The following MTPAP variants were observed in gnomAD, a reference collection of about 807,000 sequenced individuals.
MTPAP encodes the protein mitochondrial poly(A) polymerase, also known as poly(A) RNA polymerase, mitochondrial.
In MTPAP, 23 loss-of-function variants were observed where a neutral mutation model predicts 48.7. The ratio of observed to expected loss-of-function variants is 0.47; its 90% CI spans 0.34 to 0.67. The LOEUF is 0.67. Ranked by LOEUF, MTPAP falls within the 30% of genes least tolerant of loss-of-function variation. MTPAP has a pLI of 0.01. For missense variants in MTPAP, 614 were observed against 694.3 expected, an observed-to-expected ratio of 0.88 and a Z score of 1.30; for synonymous variants, 257 against 254.1, an observed-to-expected ratio of 1.01 and a Z score of -0.11.
chr10:30,316,959 TATAA>T (rs1486834810), intron 6 of MTPAP, among the ~76,000 whole-genome samples: 20 of 152,208 alleles, frequency 1.3e-4, no homozygotes, highest in Admixed American at 5.2e-4. Context: ...TCACAGATTT[TATAA>T]ATGATTGAAT....
chr10:30,336,248 G>A (rs962969440), intron 4 of MTPAP, among the ~76,000 whole-genome samples: 27 of 152,122 alleles, frequency 1.8e-4, no homozygotes, highest in African/African-American at 6.3e-4. Context: ...CAACTACCAA[G>A]CGGCCATATT....
Position 30,313,107 on chromosome 10 carries a change from T to C in MTPAP, c.*502A>G, listed in dbSNP as rs1440965646. ...TCATTGCCAACGTACTGTACATAAC[T>C]AAAAGTCATTTTAAATGTTTTCTAA... On this transcript the variant is annotated 3_prime_UTR_variant, in exon 9 of 9. Transcript: ENST00000263063. The C allele has an allele frequency of 5.8e-6, 1 of 173,578 alleles. No homozygotes were observed. Among genetic ancestry groups the C allele is most frequent in the African/African-American group, 2.4e-5 (1 of 41,670 alleles). 10.8% of individuals were successfully genotyped at this position (173,578 alleles called of 1,614,324 possible). A position where few individuals can be genotyped will look rare whatever the true frequency, so the allele number is the denominator to read the frequency against.
intron 8 of MTPAP, among the ~76,000 whole-genome samples, chr10:30,314,271 C>T (rs964644278): frequency 5.3e-5 from 8 of 150,972 alleles, no homozygotes; most frequent in South Asian, 2.1e-4. Context: ...CTAACTCAAC[C>T]GACAAAAGTA....
chr10:30,348,991 G>C, intron 1 of MTPAP, 128 bp downstream of exon 1: 1 of 1,386,334 alleles, frequency 7.2e-7, no homozygotes, highest in East Asian at 2.4e-5. Flanking sequence ...GGAGAGGAGA[G>C]GACAGGACAC....
chr10:30,314,230 G>A (rs1232453258), intron 8 of MTPAP, among the ~76,000 whole-genome samples: 1 of 151,644 alleles, frequency 6.6e-6, no homozygotes, highest in East Asian at 1.9e-4. Flanking sequence ...TATGGATGAT[G>A]ATGTCATTGC....
intron 1 of MTPAP, among the ~76,000 whole-genome samples, chr10:30,344,615 G>T (rs1347849569): frequency 2.6e-5 from 4 of 152,118 alleles, no homozygotes; most frequent in Non-Finnish European, 5.9e-5. Flanking sequence ...TTTCAGTTGT[G>T]AATGCCACCT....
chr10:30,337,292 C>T lies in MTPAP; in HGVS notation c.556-265G>A, dbSNP rs944334092. The stretch of plus-strand genomic sequence containing the variant: ...ATACAAAATAAGCCGGGCGTGGTGG[C>T]GCATACCTGTAATCCCAGCTACTCA... On this transcript the variant is annotated intron_variant, in intron 3 of 8. Transcript: ENST00000263063. Among the ~76,000 whole-genome samples, 7 of 152,058 alleles carry T rather than the reference C, an allele frequency of 4.6e-5. No homozygotes were observed. The South Asian group carries it at 8.3e-4, about 18-fold the overall frequency.
At position 30,318,994 on chromosome 10, in the gene MTPAP, G is replaced by C. The variant is rs1332714341; in HGVS notation, c.1220-2784C>G. Among the ~76,000 whole-genome samples the C allele has an allele frequency of 3.3e-5, 5 of 151,724 alleles. No individual in the cohort carries two copies. The East Asian group carries it at 9.7e-4, about 29-fold the overall frequency. The stretch of plus-strand genomic sequence containing the variant: ...CAGCAAGAAAAGACCTAACAGATGA[G>C]ATCCTGTACTAGGTTTGTCTGTCTT... On this transcript the variant is annotated intron_variant, in intron 6 of 8. Coordinates refer to ENST00000263063, the MANE Select transcript of MTPAP (RefSeq NM_018109.4).
At chr10:30,344,704 A>G (rs532659910) in intron 1 of MTPAP, among the ~76,000 whole-genome samples, 1 of 152,064 alleles carries the variant, frequency 6.6e-6, no homozygotes, top group African/African-American at 2.4e-5. Flanking sequence ...AACAGCATAG[A>G]ATTTTCTTTT....
chr10:30,316,462 C>G (rs925290590), intron 6 of MTPAP, among the ~76,000 whole-genome samples: 2 of 149,388 alleles, frequency 1.3e-5, no homozygotes, highest in African/African-American at 4.9e-5. Context: ...AGGCTGGTCT[C>G]GAACTCCTGA....
chr10:30,345,615 A>G (rs6481673), intron 1 of MTPAP, among the ~76,000 whole-genome samples: 61,281 of 152,202 alleles, frequency 0.4, 15,314 homozygotes, highest in Middle Eastern at 0.57. Context: ...AGTTGAGGTA[A>G]TTTATTGCCT....
intron 6 of MTPAP, 144 bp from the exon 7 acceptor site, chr10:30,316,354 T>C (rs1378709229): frequency 1.6e-5 from 11 of 691,334 alleles, no homozygotes; most frequent in Non-Finnish European, 2.5e-5. Flanking sequence ...GCAATTCTCC[T>C]GCCTCAGCCT....
Position 30,336,973 on chromosome 10 carries a change from T to C in MTPAP, c.610A>G (p.Thr204Ala), listed in dbSNP as rs1207137353. The change falls in exon 4 of 9, where the codon ACT becomes GCT. Residue 204 changes from threonine to alanine, a missense_variant. Thr to Ala is a moderately conservative substitution (Grantham distance 58, BLOSUM62 0). Around this residue, in one of 5 missense-constraint regions of MTPAP, gnomAD observed 261 missense variants for 355.4 expected, o/e 0.73. Coordinates refer to ENST00000263063, the MANE Select transcript of MTPAP (RefSeq NM_018109.4). ...GAACAGGTGAGATATCGGAGCTTAG[T>C]GTTCTCCTCTGTTAGCTGGAACTCC... ...LKEFQLTEENTKLRYLTCSLI... is the reference protein window; with the variant it reads ...LKEFQLTEENAKLRYLTCSLI... The C allele has an allele frequency of 9.3e-6, 15 of 1,613,550 alleles. No individual in the cohort carries two copies. The highest frequency in any genetic ancestry group is 1.2e-5 in the Non-Finnish European group (14 of 1,180,046).
intron 4 of MTPAP, among the ~76,000 whole-genome samples, chr10:30,333,270 A>C (rs1834692420): frequency 6.6e-6 from 1 of 152,196 alleles, no homozygotes; most frequent in African/African-American, 2.4e-5. Context: ...ACATTTCAAC[A>C]CTTACTCTGT....
At position 30,313,888 on chromosome 10, in the gene MTPAP, T is replaced by C; in HGVS notation, c.1470A>G (p.Val490=). The change falls in exon 9 of 9, where the codon GTA becomes GTG. Residue 490 remains valine, a synonymous_variant. Coordinates refer to ENST00000263063, the MANE Select transcript of MTPAP (RefSeq NM_018109.4). ...CAAATTTTTGCAGCTGGCTTTGACT[T>C]ACATTTTTGCTTATGTTGAGAGAAG... The part of the protein sequence containing the change: ...FETSLNISKN[V]SQSQLQKFVD... The C allele has an allele frequency of 6.2e-7, 1 of 1,614,218 alleles. No individual in the cohort carries two copies. The highest frequency in any genetic ancestry group is 1.3e-5 in the African/African-American group (1 of 75,072).
In MTPAP at chr10:30,331,555, C is replaced by T. The variant is rs1834665488; in HGVS notation, c.781-4920G>A. Reference sequence around the variant, plus strand: ...CTAAAAAATTTATGAACATTAAAATCTACATTTCAGTTAGTAAATAACTTT... The same window carrying T: ...CTAAAAAATTTATGAACATTAAAATTTACATTTCAGTTAGTAAATAACTTT... On this transcript the variant is annotated intron_variant, in intron 4 of 8. Transcript: ENST00000263063. 2.0e-5 allele frequency among the ~76,000 whole-genome samples: 3 copies of T among 152,166 alleles called. No homozygotes were observed. The South Asian group carries it at 6.2e-4, about 32-fold the overall frequency.
At chr10:30,330,499 A>G (rs934214780) in intron 4 of MTPAP, among the ~76,000 whole-genome samples, 2 of 152,232 alleles carry the variant, frequency 1.3e-5, no homozygotes, top group African/African-American at 4.8e-5. Flanking sequence ...GAAAGGTGAC[A>G]GAGATTTTTT....
In MTPAP at chr10:30,313,489, T is replaced by C. The variant is rs1421777301; in HGVS notation, c.*120A>G. 1 of 1,387,190 alleles carries C rather than the reference T, an allele frequency of 7.2e-7. No individual in the cohort carries two copies. Among genetic ancestry groups the C allele is most frequent in the Non-Finnish European group, 1.0e-6 (1 of 986,994 alleles). 85.9% of individuals were successfully genotyped at this position (1,387,190 alleles called of 1,614,324 possible). ...CAGGTTAAGGGGGCCAATGAGAAGA[T>C]CATGAAAAGTGACATCAGATGAAAG... is the stretch of plus-strand genomic sequence containing the variant. On this transcript the variant is annotated 3_prime_UTR_variant, in exon 9 of 9. Transcript: ENST00000263063.
intron 1 of MTPAP, among the ~76,000 whole-genome samples, chr10:30,343,148 A>T (rs141123440): frequency 1.3e-5 from 2 of 152,286 alleles, no homozygotes; most frequent in Non-Finnish European, 2.9e-5. Flanking sequence ...ACCAAGTCTG[A>T]TATCAATACC....
Sources: gnomAD v4.1 joint callset for allele counts (sites outside exome capture counted in the v4.1 genomes callset) on GRCh38, gnomAD v4.1.1 for gene constraint, gnomAD v4.1.1 regional missense constraint, MANE v1.5 for transcripts, NCBI Gene and HGNC (gene_info 2026-07-23, HGNC 2026-07-21) for gene names.